The following PHF21A variants were observed in gnomAD, a reference collection of about 807,000 sequenced individuals.
PHF21A encodes BHC80a.
PHF21A carries 11 observed loss-of-function variants against 82.5 expected under a neutral mutation model. That is an observed-to-expected ratio of 0.13 (90% CI 0.08 to 0.22). PHF21A has a LOEUF of 0.22. Ranked by LOEUF, PHF21A falls within the 10% of genes least tolerant of loss-of-function variation. PHF21A has a pLI of 1.00. For synonymous variants in PHF21A, 297 were observed against 302.8 expected (o/e 0.98, Z 0.20); for missense variants, 579 against 837.8 (o/e 0.69, Z 3.81).
At chr11:45,995,609 C>G (rs1276290078) in intron 6 of PHF21A, among the ~76,000 whole-genome samples, 1 of 152,220 alleles carries the variant, frequency 6.6e-6, no homozygotes, top group Admixed American at 6.5e-5. Context: ...CACATGAGAG[C>G]TCCCCTGTGC....
chr11:46,114,169 A>G (rs1054242295), intron 1 of PHF21A, among the ~76,000 whole-genome samples: 1 of 152,176 alleles, frequency 6.6e-6, no homozygotes, highest in Admixed American at 6.6e-5. Flanking sequence ...TCCAACTACA[A>G]GCCCACTTCT....
Position 45,932,685 on chromosome 11 carries a change from C to G in PHF21A, c.*1283G>C, listed in dbSNP as rs1479227150. On this transcript the variant is annotated 3_prime_UTR_variant, in exon 19 of 19. Coordinates refer to ENST00000676320, the MANE Select transcript of PHF21A (RefSeq NM_001352027.3). This position sits in a 1 kb window ranked among gnomAD's most constrained non-coding sequence, Gnocchi z 4.3. ...AATTTAAGTAACACTAGGAAGACCTCAATATCTTTTATTTTCCTTTTTAAT... is the reference window on the plus strand; with the variant it reads ...AATTTAAGTAACACTAGGAAGACCTGAATATCTTTTATTTTCCTTTTTAAT... 1 of 152,558 alleles carries G rather than the reference C, an allele frequency of 6.6e-6. No individual in the cohort carries two copies. Among genetic ancestry groups the G allele is most frequent in the Admixed American group, 6.5e-5 (1 of 15,272 alleles). 9.5% of individuals were successfully genotyped at this position (152,558 alleles called of 1,614,324 possible). A position where few individuals can be genotyped will look rare whatever the true frequency, so the allele number is the denominator to read the frequency against.
At chr11:45,990,290 A>C (rs2094645723) in intron 6 of PHF21A, among the ~76,000 whole-genome samples, 1 of 110,674 alleles carries the variant, frequency 9.0e-6, no homozygotes, top group African/African-American at 3.5e-5. Context: ...ACAGGATCTC[A>C]CTCTGTCCCC....
intron 6 of PHF21A, among the ~76,000 whole-genome samples, chr11:46,067,028 CAT>C (rs1219903578): frequency 6.6e-6 from 1 of 152,194 alleles, no homozygotes; most frequent in Non-Finnish European, 1.5e-5. Flanking sequence ...TTAACAGCTA[CAT>C]GTTATTCCAT....
chr11:45,972,862 A>G (rs1405478323), intron 7 of PHF21A, among the ~76,000 whole-genome samples: 1 of 150,778 alleles, frequency 6.6e-6, no homozygotes, highest in East Asian at 1.9e-4. Context: ...TGCAGTGAGC[A>G]GAAATTGTGC....
chr11:46,033,272 T>C (rs751359959), intron 6 of PHF21A, among the ~76,000 whole-genome samples: 4 of 152,172 alleles, frequency 2.6e-5, no homozygotes, highest in East Asian at 1.9e-4. Flanking sequence ...GTTAGTATTA[T>C]TGTTGTTGTT....
chr11:45,946,440 G>C (rs946952618), intron 14 of PHF21A, among the ~76,000 whole-genome samples: 14 of 152,180 alleles, frequency 9.2e-5, no homozygotes, highest in African/African-American at 3.1e-4. Flanking sequence ...CTGGAGTGCT[G>C]TGGCACGATC....
At chr11:45,948,562 T>C (rs540258714) in intron 14 of PHF21A, among the ~76,000 whole-genome samples, 1 of 152,348 alleles carries the variant, frequency 6.6e-6, no homozygotes, top group South Asian at 2.1e-4. Flanking sequence ...TTAATGACTC[T>C]CAAATGCTTC....
chr11:46,088,630 G>A (rs2096884412), intron 3 of PHF21A, among the ~76,000 whole-genome samples: 1 of 152,146 alleles, frequency 6.6e-6, no homozygotes, highest in Non-Finnish European at 1.5e-5. Context: ...CAGGAAAATG[G>A]AAACAATATC....
intron 6 of PHF21A, among the ~76,000 whole-genome samples, chr11:45,982,045 G>A (rs1010483540): frequency 4.4e-5 from 6 of 135,244 alleles, no homozygotes; most frequent in African/African-American, 8.3e-5. Flanking sequence ...CCATTTCCAC[G>A]CCCCAGGCTC....
intron 6 of PHF21A, among the ~76,000 whole-genome samples, chr11:46,072,738 T>C (rs1250002511): frequency 6.6e-6 from 1 of 152,082 alleles, no homozygotes; most frequent in Non-Finnish European, 1.5e-5. Flanking sequence ...ATTTAAGCTA[T>C]GACATGAAAC....
At chr11:46,020,080 CATTTT>C (rs2095600180) in intron 6 of PHF21A, among the ~76,000 whole-genome samples, 1 of 151,992 alleles carries the variant, frequency 6.6e-6, no homozygotes. Context: ...CTCACCACTC[CATTTT>C]ATTTATCCTG....
chr11:46,084,397 T>G (rs960432750), intron 3 of PHF21A, 95 bp from the exon 4 acceptor site: 2 of 469,706 alleles, frequency 4.3e-6, no homozygotes, highest in African/African-American at 4.1e-5. Context: ...TATCTGATTC[T>G]CTAACGCAGG....
At chr11:46,118,709 A>G (rs1852102726) in intron 1 of PHF21A, 1 of 152,210 alleles carries the variant, frequency 6.6e-6, no homozygotes, top group Non-Finnish European at 1.5e-5. Context: ...ATAAACAAGT[A>G]AAGACAGAAG....
chr11:45,979,373 A>C (rs2094182927), intron 7 of PHF21A, among the ~76,000 whole-genome samples: 1 of 152,160 alleles, frequency 6.6e-6, no homozygotes. Context: ...CTGATCCTGG[A>C]ATAGCTCTAT....
intron 10 of PHF21A, among the ~76,000 whole-genome samples, chr11:45,962,310 T>TCC (rs2093139531): frequency 6.6e-6 from 1 of 151,612 alleles, no homozygotes; most frequent in Admixed American, 6.6e-5. Context: ...GTTTGGTAAC[T>TCC]GTGAACAGGT....
At chr11:46,095,056 A>C (rs1314156886) in intron 1 of PHF21A, among the ~76,000 whole-genome samples, 1 of 152,204 alleles carries the variant, frequency 6.6e-6, no homozygotes, top group Admixed American at 6.5e-5. Flanking sequence ...AATTGGTTTC[A>C]CAATGAGGTT....
chr11:45,972,917 C>CA (rs1342425691), intron 7 of PHF21A, among the ~76,000 whole-genome samples: 23 of 129,002 alleles, frequency 1.8e-4, no homozygotes, highest in Admixed American at 5.5e-4. Context: ...GTCTCAAAAA[C>CA]AAAAAAAAAA....
At chr11:46,001,822 T>C (rs1018644520) in intron 6 of PHF21A, among the ~76,000 whole-genome samples, 28 of 152,132 alleles carry the variant, frequency 1.8e-4, no homozygotes, top group African/African-American at 6.8e-4. Context: ...CATTTTTAAC[T>C]AGAGGGAAGA....
Sources: gnomAD v4.1 joint callset for allele counts (sites outside exome capture counted in the v4.1 genomes callset) on GRCh38, gnomAD v4.1.1 for gene constraint, Gnocchi (gnomAD v3.1) non-coding constraint, MANE v1.5 for transcripts, NCBI Gene and HGNC (gene_info 2026-07-23, HGNC 2026-07-21) for gene names.